The following CDH4 variants were observed in gnomAD, a reference collection of about 807,000 sequenced individuals.
CDH4 encodes the protein cadherin 4, also known as cadherin-4.
A neutral mutation model predicts 86.0 loss-of-function variants in CDH4; 33 were observed. The observed-to-expected ratio is 0.38, with a 90% CI of 0.29 to 0.51. The LOEUF (loss-of-function observed/expected upper bound fraction) is 0.51. CDH4 is among the 20% of genes least tolerant of loss of function. CDH4 has a pLI of 0.86. For synonymous variants in CDH4, 555 were observed against 549.4 expected (o/e 1.01, Z -0.14); for missense variants, 1,114 against 1,307.4 (o/e 0.85, Z 2.28).
rs1022710265 is a variant in CDH4 at position 61,829,870 on chromosome 20, G to A, written c.577-14798G>A. Among the ~76,000 whole-genome samples the A allele has an allele frequency of 9.9e-5, 15 of 152,076 alleles. No individual in the cohort carries two copies. In the East Asian group the frequency reaches 1.5e-3, roughly 16 times the overall value. ...AAAGCTCATTTCCCTCATCCCTCCC[G>A]CCCCTAGCCTGCTGGGGTGGGAGGG... On this transcript the variant is annotated intron_variant, in intron 4 of 15. Transcript: ENST00000614565. The surrounding 1 kb of genome is among the most constrained non-coding windows in gnomAD (Gnocchi z 4.2).
intron 9 of CDH4, among the ~76,000 whole-genome samples, chr20:61,911,084 A>G (rs2054844940): frequency 6.6e-6 from 1 of 152,214 alleles, no homozygotes; most frequent in Non-Finnish European, 1.5e-5. Context: ...ACTAATCTCA[A>G]GAGTTTTTCT....
In CDH4 at chr20:61,367,609, C is replaced by T. The variant is rs1280449855; in HGVS notation, c.169+112672C>T. On this transcript the variant is annotated intron_variant, in intron 2 of 15. Transcript: ENST00000614565. ...AACAATGACAGTTATAGATCATAAC[C>T]TCCAGAATAAACAGGAGCCCCGAGT... 3.3e-5 allele frequency among the ~76,000 whole-genome samples: 5 copies of T among 150,730 alleles called. No individual in the cohort carries two copies. In the East Asian group the frequency reaches 9.9e-4, roughly 30 times the overall value.
intron 2 of CDH4, among the ~76,000 whole-genome samples, chr20:61,298,438 G>A (rs1347411341): frequency 1.3e-5 from 2 of 151,840 alleles, no homozygotes; most frequent in Admixed American, 6.6e-5. Context: ...CCTTCCTCCC[G>A]CACTTCCCCA....
intron 7 of CDH4, among the ~76,000 whole-genome samples, chr20:61,884,775 A>G (rs780822043): frequency 1.3e-5 from 2 of 152,186 alleles, no homozygotes; most frequent in Non-Finnish European, 2.9e-5. Context: ...ACCTCCTCCC[A>G]GAACAGCAGC....
chr20:61,495,796 G>A (rs867644009), intron 2 of CDH4, among the ~76,000 whole-genome samples: 7 of 151,722 alleles, frequency 4.6e-5, no homozygotes, highest in East Asian at 2.0e-4. Context: ...CCAGCTACTC[G>A]GGAGGCTGAG....
At chr20:61,600,373 T>C (rs1244954780) in intron 2 of CDH4, among the ~76,000 whole-genome samples, 1 of 152,214 alleles carries the variant, frequency 6.6e-6, no homozygotes, top group Non-Finnish European at 1.5e-5. Flanking sequence ...CACAGGCATG[T>C]TGTGATTGAG....
At chr20:61,927,493 C>T (rs1037943435) in intron 11 of CDH4, among the ~76,000 whole-genome samples, 15 of 152,158 alleles carry the variant, frequency 9.9e-5, no homozygotes, top group African/African-American at 3.4e-4. Flanking sequence ...TCATCTGGAG[C>T]GGCCGCGCCT....
intron 7 of CDH4, among the ~76,000 whole-genome samples, chr20:61,877,479 T>C (rs62204975): frequency 0.037 from 5,539 of 151,246 alleles, 126 homozygotes; most frequent in Non-Finnish European, 0.057. Context: ...TTTATGAAGA[T>C]TGAGGAACAT....
intron 4 of CDH4, among the ~76,000 whole-genome samples, chr20:61,830,326 C>A (rs1384268606): frequency 6.6e-6 from 1 of 152,190 alleles, no homozygotes; most frequent in Non-Finnish European, 1.5e-5. Context: ...CATCCACATC[C>A]TCTGCCTCAG....
At chr20:61,628,256 T>A (rs1174250775) in intron 2 of CDH4, among the ~76,000 whole-genome samples, 1 of 152,082 alleles carries the variant, frequency 6.6e-6, no homozygotes, top group Non-Finnish European at 1.5e-5. Context: ...TGAGGTCTCG[T>A]AGAGATGGTG....
rs1262357479 is a variant in CDH4, at chr20:61,289,509, ATC to A, written c.169+34576_169+34577del. ...CCTGCAGTGCTGTGGGAGAGAAACA[ATC>A]TCTGTTCTGGTGCTGTGTGGGTGCC... On this transcript the variant is annotated intron_variant, in intron 2 of 15. Transcript: ENST00000614565. 2.0e-5 allele frequency among the ~76,000 whole-genome samples: 3 copies of A among 152,156 alleles called. No homozygotes were observed. In the East Asian group the frequency reaches 5.8e-4, roughly 29 times the overall value.
intron 2 of CDH4, among the ~76,000 whole-genome samples, chr20:61,427,421 A>C (rs1232196520): frequency 5.3e-5 from 8 of 152,192 alleles, no homozygotes; most frequent in African/African-American, 1.9e-4. Flanking sequence ...TGTGGCATGA[A>C]ATCAGAACGT....
chr20:61,414,145 A>G (rs1487692450), intron 2 of CDH4, among the ~76,000 whole-genome samples: 2 of 152,234 alleles, frequency 1.3e-5, no homozygotes, highest in African/African-American at 4.8e-5. Flanking sequence ...CGCTACCGCA[A>G]ATACAGTCAC....
intron 2 of CDH4, among the ~76,000 whole-genome samples, chr20:61,341,391 A>G (rs2084648343): frequency 6.6e-6 from 1 of 152,242 alleles, no homozygotes; most frequent in African/African-American, 2.4e-5. Context: ...AAATGACTCC[A>G]GTGACAGGGA....
At chr20:61,884,173 G>A (rs994665602) in intron 7 of CDH4, among the ~76,000 whole-genome samples, 6 of 152,276 alleles carry the variant, frequency 3.9e-5, no homozygotes, top group Middle Eastern at 3.4e-3. Flanking sequence ...CTTGTGGGGC[G>A]CAGTGCAGAG....
At chr20:61,816,389 G>T (rs898689984) in intron 4 of CDH4, among the ~76,000 whole-genome samples, 1 of 152,178 alleles carries the variant, frequency 6.6e-6, no homozygotes, top group Non-Finnish European at 1.5e-5. Context: ...AAGCGATGGA[G>T]AATTCTATTT....
In CDH4 at chr20:61,853,177, G is replaced by A. The variant is rs556582608; in HGVS notation, c.877+279G>A. 7.1e-4 allele frequency among the ~76,000 whole-genome samples: 108 copies of A among 152,288 alleles called. 3 individuals are homozygous for A. Among genetic ancestry groups the A allele is most frequent in the Admixed American group, 5.9e-3 (91 of 15,312 alleles). On this transcript the variant is annotated intron_variant, in intron 6 of 15. Transcript: ENST00000614565. ...GGGCACTGGGAGTCCTGGGGACAGCGGTGGGCCTGGGCAGGCCCCTCTGTG... is the reference window on the plus strand; with the variant it reads ...GGGCACTGGGAGTCCTGGGGACAGCAGTGGGCCTGGGCAGGCCCCTCTGTG...
chr20:61,255,437 A>G (rs1258907683), intron 2 of CDH4, among the ~76,000 whole-genome samples: 1 of 152,276 alleles, frequency 6.6e-6, no homozygotes, highest in Admixed American at 6.5e-5. Context: ...GCAGGATTAT[A>G]TCCACACTTG....
intron 2 of CDH4, among the ~76,000 whole-genome samples, chr20:61,436,837 T>A (rs2085285561): frequency 6.6e-6 from 1 of 152,120 alleles, no homozygotes; most frequent in South Asian, 2.1e-4. Context: ...GGGCCAACAG[T>A]GAGTCACTTC....
Sources: allele counts gnomAD v4.1 joint callset (sites outside exome capture counted in the v4.1 genomes callset), GRCh38; gene constraint gnomAD v4.1.1; non-coding constraint Gnocchi (gnomAD v3.1); transcripts MANE v1.5; gene names NCBI Gene and HGNC (gene_info 2026-07-23, HGNC 2026-07-21).